EXOC2: variants seen among roughly 807,000 people sequenced by gnomAD.
EXOC2 encodes the protein SEC5-like 1.
EXOC2 carries 70 observed loss-of-function variants against 131.8 expected under a neutral mutation model. The observed-to-expected ratio is 0.53, with a 90% confidence interval of 0.44 to 0.65. EXOC2 has a LOEUF of 0.65. EXOC2 is among the 30% of genes least tolerant of loss of function. EXOC2 has a pLI of 0.00. For synonymous variants in EXOC2, 411 were observed against 398.4 expected, an observed-to-expected ratio of 1.03 and a Z score of -0.38; for missense variants, 923 against 1,108.6, an observed-to-expected ratio of 0.83 and a Z score of 2.38.
intron 13 of EXOC2, among the ~76,000 whole-genome samples, chr6:568,173 G>A (rs1201563009): frequency 2.0e-5 from 3 of 152,224 alleles, no homozygotes; most frequent in Non-Finnish European, 4.4e-5. Flanking sequence ...AGGTGTGTCT[G>A]TGAGGTGTTT....
At chr6:682,270 G>T (rs1450327886) in intron 1 of EXOC2, among the ~76,000 whole-genome samples, 1 of 151,482 alleles carries the variant, frequency 6.6e-6, no homozygotes. Context: ...CAGGATCTGG[G>T]GTCACTGCAA....
intron 1 of EXOC2, among the ~76,000 whole-genome samples, chr6:681,959 T>C (rs1473313789): frequency 6.6e-6 from 1 of 152,198 alleles, no homozygotes; most frequent in Non-Finnish European, 1.5e-5. Flanking sequence ...CAGTAAAAGC[T>C]AAGGTAGAAA....
Position 532,514 on chromosome 6 carries a change from T to C in EXOC2, c.2335A>G (p.Ile779Val), listed in dbSNP as rs1444412433. The change falls in exon 23 of 28, where the codon ATT becomes GTT. Residue 779 changes from isoleucine (I) to valine (V), a missense_variant. Ile to Val is a conservative substitution (Grantham distance 29). Coordinates refer to ENST00000230449, the MANE Select transcript of EXOC2 (RefSeq NM_018303.6). Reference sequence around the variant, plus strand: ...TTCCAATCAAAATATCCTGCATAAATTCCAGGTTCTAAGGAGCCAACGATG... The same window carrying C: ...TTCCAATCAAAATATCCTGCATAAACTCCAGGTTCTAAGGAGCCAACGATG... ...DPIVGSLEPG[I>V]YAGYFDWKDC... 6.2e-7 allele frequency: 1 copy of C among 1,607,506 alleles called. No individual in the cohort carries two copies. Among genetic ancestry groups the C allele is most frequent in the Non-Finnish European group, 8.5e-7 (1 of 1,178,114 alleles).
chr6:529,077 A>C (rs1765908186), intron 23 of EXOC2, among the ~76,000 whole-genome samples: 2 of 151,476 alleles, frequency 1.3e-5, no homozygotes, highest in Non-Finnish European at 2.9e-5. Flanking sequence ...ATGCAGAAGA[A>C]CCCTAAGATC....
intron 15 of EXOC2, 125 bp downstream of exon 15, chr6:564,420 C>T (rs207466654): frequency 6.0e-6 from 8 of 1,333,846 alleles, no homozygotes; most frequent in Non-Finnish European, 8.3e-6. Context: ...GAACAGGAAA[C>T]AGTGGAGGCA....
chr6:523,318 T>G (rs1220104298), intron 23 of EXOC2, among the ~76,000 whole-genome samples: 1 of 152,228 alleles, frequency 6.6e-6, no homozygotes, highest in East Asian at 1.9e-4. Flanking sequence ...ACCACCTTGG[T>G]TAAGTGAGAA....
chr6:542,652 T>G (rs1166734755), intron 22 of EXOC2, among the ~76,000 whole-genome samples: 7 of 152,144 alleles, frequency 4.6e-5, no homozygotes, highest in East Asian at 3.8e-4. Flanking sequence ...CATCACCTCA[T>G]AAAGAAAATA....
chr6:625,231 C>A (rs1761494412), intron 4 of EXOC2, among the ~76,000 whole-genome samples: 1 of 152,234 alleles, frequency 6.6e-6, no homozygotes, highest in Non-Finnish European at 1.5e-5. Flanking sequence ...TGAGGACTCT[C>A]TGCAGCAATG....
chr6:537,298 G>A (rs1159203030), intron 22 of EXOC2, among the ~76,000 whole-genome samples: 2 of 150,728 alleles, frequency 1.3e-5, no homozygotes, highest in African/African-American at 2.5e-5. Flanking sequence ...GTTGACAGCC[G>A]ACGGAGCGCA....
intron 1 of EXOC2, among the ~76,000 whole-genome samples, chr6:675,794 T>C (rs377172922): frequency 0.028 from 299 of 10,872 alleles, 1 homozygote; most frequent in Middle Eastern, 0.14. Flanking sequence ...ACAGAAAGGA[T>C]AGGTTCCTCT....
intron 1 of EXOC2, among the ~76,000 whole-genome samples, chr6:687,762 C>A (rs543337373): frequency 6.6e-6 from 1 of 152,290 alleles, no homozygotes; most frequent in East Asian, 1.9e-4. Flanking sequence ...GGAGAGTGAT[C>A]GTAGCTGAAA....
chr6:595,847 T>C (rs1759785591), intron 10 of EXOC2, among the ~76,000 whole-genome samples: 1 of 152,102 alleles, frequency 6.6e-6, no homozygotes, highest in South Asian at 2.1e-4. Flanking sequence ...TGTCGCTTTC[T>C]AGGTAGAAAA....
intron 24 of EXOC2, among the ~76,000 whole-genome samples, chr6:499,436 C>CAA (rs398048361): frequency 9.4e-6 from 1 of 106,422 alleles, no homozygotes; most frequent in Non-Finnish European, 2.0e-5. Context: ...GTTAAACACA[C>CAA]ACACACACAC....
chr6:644,539 G>C (rs893092266), intron 1 of EXOC2, among the ~76,000 whole-genome samples: 15 of 152,044 alleles, frequency 9.9e-5, no homozygotes, highest in Non-Finnish European at 1.9e-4. Context: ...AAAGCAGAAA[G>C]ATGGCAAAGG....
At chr6:550,376 G>C (rs936201117) in intron 21 of EXOC2, among the ~76,000 whole-genome samples, 3 of 152,074 alleles carry the variant, frequency 2.0e-5, no homozygotes, top group African/African-American at 7.2e-5. Context: ...ATTTCATTCA[G>C]CTCAGCAGTT....
chr6:502,785 G>A (rs543528592), intron 23 of EXOC2, among the ~76,000 whole-genome samples: 150 of 152,220 alleles, frequency 9.9e-4, no homozygotes, highest in Non-Finnish European at 1.3e-3. Flanking sequence ...TGTATTTCTA[G>A]ATTTTATCTT....
chr6:572,410 G>A, intron 13 of EXOC2, 110 bp downstream of exon 13: 9 of 1,334,700 alleles, frequency 6.7e-6, no homozygotes, highest in Non-Finnish European at 9.2e-6. Flanking sequence ...TATGACGATG[G>A]CTAGAGATGT....
chr6:657,850 TG>T (rs534192117), intron 1 of EXOC2, among the ~76,000 whole-genome samples: 12 of 152,356 alleles, frequency 7.9e-5, no homozygotes, highest in Non-Finnish European at 1.8e-4. Context: ...TTATTTTTCT[TG>T]ATTTTAAGAT....
At chr6:577,021 TA>T in intron 11 of EXOC2, 139 bp from the exon 12 acceptor site, 2 of 727,240 alleles carry the variant, frequency 2.8e-6, no homozygotes, top group Non-Finnish European at 4.1e-6. Context: ...TTAAATAAAA[TA>T]AAAAGTATTT....
Sources: allele counts gnomAD v4.1 joint callset (sites outside exome capture counted in the v4.1 genomes callset), GRCh38; gene constraint gnomAD v4.1.1; transcripts MANE v1.5; gene names NCBI Gene and HGNC (gene_info 2026-07-23, HGNC 2026-07-21).